Variants in HECA observed in about 807,000 individuals in gnomAD.
HECA encodes headcase protein homolog.
In HECA, 13 loss-of-function variants were observed where a neutral mutation model predicts 37.6. The observed-to-expected ratio is 0.35, with a 90% CI of 0.23 to 0.55. The LOEUF (loss-of-function observed/expected upper bound fraction) is 0.55, where lower values mean the gene tolerates loss of function less well. Among genes scored for constraint, HECA ranks in the 20% least tolerant of loss-of-function variants. The pLI, the probability that HECA is intolerant of heterozygous loss-of-function variation, is 0.90. For missense variants in HECA, 527 were observed against 701.9 expected, an observed-to-expected ratio of 0.75 and a Z score of 2.82; for synonymous variants, 307 against 291.5, an observed-to-expected ratio of 1.05 and a Z score of -0.54.
intron 1 of HECA, among the ~76,000 whole-genome samples, chr6:139,138,887 T>C (rs984695529): frequency 2.0e-5 from 3 of 152,322 alleles, no homozygotes; most frequent in African/African-American, 7.2e-5. Flanking sequence ...CACATACCAT[T>C]TGCATTTTCA....
intron 1 of HECA, among the ~76,000 whole-genome samples, chr6:139,151,828 A>G (rs1342089181): frequency 6.6e-6 from 1 of 152,190 alleles, no homozygotes; most frequent in Non-Finnish European, 1.5e-5. Context: ...ACATACTACA[A>G]TCTGGTTACG....
chr6:139,174,590 C>A, intron 3 of HECA, 51 bp downstream of exon 3: 1 of 1,581,786 alleles, frequency 6.3e-7, no homozygotes. Context: ...GGCTTCTGTC[C>A]CCAAGTGAAT....
At chr6:139,136,959 A>C (rs1774455644) in intron 1 of HECA, among the ~76,000 whole-genome samples, 1 of 152,200 alleles carries the variant, frequency 6.6e-6, no homozygotes, top group South Asian at 2.1e-4. Flanking sequence ...TAAACAGGGC[A>C]CCTGCTCTTA....
chr6:139,164,080 A>ACTCTCTCTCTCT (rs71549028), intron 1 of HECA, among the ~76,000 whole-genome samples: 45 of 148,168 alleles, frequency 3.0e-4, no homozygotes, highest in South Asian at 1.3e-3. Flanking sequence ...ACACACACAC[A>ACTCTCTCTCTCT]CTCTCTCTCT....
rs186609386 is a variant in HECA at position 139,152,133 on chromosome 6, T to C, written c.272-14151T>C. Among the ~76,000 whole-genome samples, 3 of 152,350 alleles carry C rather than the reference T, an allele frequency of 2.0e-5. No individual in the cohort carries two copies. The East Asian group carries it at 5.8e-4, about 29-fold the overall frequency. Reference sequence around the variant, plus strand: ...CTAAACCAGGCATATTCTGGGTCCGTATTCTTTTGGGTCTTGACGTGTCTT... The same window carrying C: ...CTAAACCAGGCATATTCTGGGTCCGCATTCTTTTGGGTCTTGACGTGTCTT... On this transcript the variant is annotated intron_variant, in intron 1 of 3. Transcript: ENST00000367658.
At chr6:139,166,064 T>C (rs958966399) in intron 1 of HECA, 3 of 481,578 alleles carry the variant, frequency 6.2e-6, no homozygotes, top group Non-Finnish European at 1.1e-5. Context: ...ATGAAGGGCG[T>C]TGAAGGTCCT....
chr6:139,161,245 C>A (rs1774797943), intron 1 of HECA, among the ~76,000 whole-genome samples: 1 of 152,090 alleles, frequency 6.6e-6, no homozygotes, highest in African/African-American at 2.4e-5. Context: ...GCTGGTGTGT[C>A]ATAGGGTGAA....
Position 139,164,080 on chromosome 6 carries a change from A to ACTCTCT in HECA, c.272-2189_272-2184dup, listed in dbSNP as rs71549028. Among the ~76,000 whole-genome samples the ACTCTCT allele has an allele frequency of 5.5e-3, 814 of 148,138 alleles. 4 individuals are homozygous for ACTCTCT. The highest frequency in any genetic ancestry group is 5.6e-3 in the Non-Finnish European group (374 of 66,990). On this transcript the variant is annotated intron_variant, in intron 1 of 3. Coordinates refer to ENST00000367658, the MANE Select transcript of HECA (RefSeq NM_016217.3). ...CACACACACACAAACACACACACAC[A>ACTCTCT]CTCTCTCTCTCTCTCTCTCTGAGCA...
chr6:139,173,477 A>G (rs1382292574), intron 2 of HECA, among the ~76,000 whole-genome samples: 1 of 152,184 alleles, frequency 6.6e-6, no homozygotes, highest in Non-Finnish European at 1.5e-5. Flanking sequence ...GATCCTTACT[A>G]CTGAGTGCTG....
rs1774416063 is a variant in HECA, at chr6:139,135,322, AGGGCCG to A, written c.-72_-67del. On this transcript the variant is annotated 5_prime_UTR_variant, in exon 1 of 4. Transcript: ENST00000367658. ...TTCTTTCCCGGAGCCGGCTTCACGCAGGGCCGGGAACGGCCGTGCCTCTGGGATCCG... is the reference window on the plus strand; with the variant it reads ...TTCTTTCCCGGAGCCGGCTTCACGCAGGAACGGCCGTGCCTCTGGGATCCG... The A allele has an allele frequency of 8.8e-7, 1 of 1,133,618 alleles. No homozygotes were observed. Among genetic ancestry groups the A allele is most frequent in the East Asian group, 6.1e-5 (1 of 16,476 alleles). 70.2% of individuals were successfully genotyped at this position (1,133,618 alleles called of 1,614,324 possible). A position where few individuals can be genotyped will look rare whatever the true frequency, so the allele number is the denominator to read the frequency against.
intron 1 of HECA, among the ~76,000 whole-genome samples, chr6:139,146,328 A>G (rs1774583083): frequency 1.3e-5 from 2 of 152,220 alleles, no homozygotes; most frequent in Admixed American, 6.5e-5. Context: ...ATTATACTTT[A>G]GATCATGTCC....
rs201311002 is a variant in HECA at position 139,163,976 on chromosome 6, AG to A, written c.272-2305del. 4.0e-3 allele frequency among the ~76,000 whole-genome samples: 610 copies of A among 152,158 alleles called. 2 individuals carry two copies. Among genetic ancestry groups the A allele is most frequent in the Middle Eastern group, 0.014 (4 of 294 alleles). On this transcript the variant is annotated intron_variant, in intron 1 of 3. Transcript: ENST00000367658. ...ACTTCTAAATCAGTGGGTCCTAAAT[AG>A]GGCAGCCCTAAGTCTTTTTCCATCT...
chr6:139,169,759 G>T (rs1405528153), intron 2 of HECA: 3 of 152,240 alleles, frequency 2.0e-5, no homozygotes, highest in Non-Finnish European at 4.4e-5. Flanking sequence ...AGAGATGTAA[G>T]TGGAAGCTGC....
intron 1 of HECA, among the ~76,000 whole-genome samples, chr6:139,156,695 C>T (rs888338210): frequency 2.6e-5 from 4 of 152,162 alleles, no homozygotes; most frequent in Non-Finnish European, 5.9e-5. Context: ...ATGAGTAAAG[C>T]AGAAATACAG....
At chr6:139,168,934 C>G (rs1286370715) in intron 2 of HECA, among the ~76,000 whole-genome samples, 1 of 152,178 alleles carries the variant, frequency 6.6e-6, no homozygotes, top group Non-Finnish European at 1.5e-5. Flanking sequence ...TTTGAGAGGT[C>G]TGATGTTACT....
intron 1 of HECA, among the ~76,000 whole-genome samples, chr6:139,158,995 C>T (rs1774757596): frequency 6.6e-6 from 1 of 152,096 alleles, no homozygotes; most frequent in African/African-American, 2.4e-5. Flanking sequence ...ATCGCTTGAA[C>T]CTGGGAGGCG....
At chr6:139,157,514 C>T (rs1266720297) in intron 1 of HECA, among the ~76,000 whole-genome samples, 1 of 152,158 alleles carries the variant, frequency 6.6e-6, no homozygotes, top group Non-Finnish European at 1.5e-5. Flanking sequence ...TTTTGAAGGT[C>T]TCCTTTTCCT....
chr6:139,135,520 G>A lies in HECA; in HGVS notation c.124G>A (p.Gly42Arg). 5 of 1,020,272 alleles carry A rather than the reference G, an allele frequency of 4.9e-6. No homozygotes were observed. The highest frequency in any genetic ancestry group is 5.9e-6 in the Non-Finnish European group (5 of 853,232). The allele number at this position is 1,020,272 out of a possible 1,614,324, so 63.2% of individuals were successfully genotyped here. Residue 42 changes from glycine to arginine, a missense_variant, in exon 1 of 4, where the codon GGG becomes AGG. This residue lies in a region of HECA where 172 missense variants were observed against 197.6 expected (regional missense o/e 0.87). Coordinates refer to ENST00000367658, the MANE Select transcript of HECA (RefSeq NM_016217.3). ...AAGAAGAAAG[G>R]ALAAAAGCGA... is the part of the protein sequence containing the mutation. ...GGGCGCGGCGGGAGCGGCGGCCGGG[G>A]GGGCCCTGGCGGCGGCGGCCGGTTG... is the stretch of plus-strand genomic sequence containing the variant.
intron 1 of HECA, among the ~76,000 whole-genome samples, chr6:139,143,764 G>T (rs1323510269): frequency 1.3e-5 from 2 of 151,956 alleles, no homozygotes; most frequent in African/African-American, 4.8e-5. Context: ...GGGAGGCTGA[G>T]GCAGGAGAAT....
Sources: allele counts gnomAD v4.1 joint callset (sites outside exome capture counted in the v4.1 genomes callset), GRCh38; gene constraint gnomAD v4.1.1; regional missense constraint gnomAD v4.1.1; transcripts MANE v1.5; gene names NCBI Gene and HGNC (gene_info 2026-07-23, HGNC 2026-07-21).